The following RAB8A variants were observed in gnomAD, a reference collection of about 807,000 sequenced individuals.
RAB8A encodes ras-related protein Rab-8A.
A neutral mutation model predicts 29.2 loss-of-function variants in RAB8A; 5 were observed. That is an observed-to-expected ratio of 0.17 (90% CI 0.09 to 0.36). The LOEUF (loss-of-function observed/expected upper bound fraction) is 0.36. RAB8A is among the 10% of genes least tolerant of loss of function. The probability of loss-of-function intolerance (pLI) is 1.00; values close to 1 mark genes in which losing one functional copy is unlikely to be tolerated. For synonymous variants in RAB8A, 108 were observed against 99.9 expected (o/e 1.08, Z -0.49); for missense variants, 171 against 272.2 (o/e 0.63, Z 2.62).
intron 6 of RAB8A, 68 bp from the exon 7 acceptor site, chr19:16,129,486 C>T (rs2090916015): frequency 6.6e-7 from 1 of 1,504,256 alleles, no homozygotes; most frequent in Non-Finnish European, 9.2e-7. Context: ...ACCACACCCG[C>T]TGTACACGGG....
Position 16,125,347 on chromosome 19 carries a change from C to T in RAB8A, c.247-123C>T. ...GGCTCCACAGAGGTGGGGAGGGCGG[C>T]AGCTAATGGGCCTGGCTGTGCAGTG... On this transcript the variant is annotated intron_variant, in intron 3 of 7. Coordinates refer to ENST00000300935, the MANE Select transcript of RAB8A (RefSeq NM_005370.5). The surrounding 1 kb of genome is among the most constrained non-coding windows in gnomAD (Gnocchi z 5.0). 1 of 787,678 alleles carries T rather than the reference C, an allele frequency of 1.3e-6. No homozygotes were observed. The highest frequency in any genetic ancestry group is 2.7e-5 in the East Asian group (1 of 37,354). 48.8% of individuals were successfully genotyped at this position (787,678 alleles called of 1,614,324 possible).
Position 16,119,472 on chromosome 19 carries a change from T to C in RAB8A, c.185+1186T>C, listed in dbSNP as rs183090213. The stretch of plus-strand genomic sequence containing the variant: ...CACCCACCTCGGCCTCCCAAAGTGC[T>C]GGGATTATAGGCGTGAGCCACCACG... On this transcript the variant is annotated intron_variant, in intron 2 of 7. Transcript: ENST00000300935. Among the ~76,000 whole-genome samples the C allele has an allele frequency of 3.2e-3, 481 of 152,312 alleles. 2 individuals are homozygous for C. Among genetic ancestry groups the C allele is most frequent in the African/African-American group, 0.01 (428 of 41,576 alleles).
In RAB8A at chr19:16,125,648, C is replaced by T; in HGVS notation, c.324+101C>T. ...GCCAAGGTGCAGAGACACATACAGGCCACTTGCCCACAGCCTCCTAGTCAG... is the reference window on the plus strand; with the variant it reads ...GCCAAGGTGCAGAGACACATACAGGTCACTTGCCCACAGCCTCCTAGTCAG... On this transcript the variant is annotated intron_variant, in intron 4 of 7. Coordinates refer to ENST00000300935, the MANE Select transcript of RAB8A (RefSeq NM_005370.5). This position sits in a 1 kb window ranked among gnomAD's most constrained non-coding sequence, Gnocchi z 5.0. 1 of 1,086,920 alleles carries T rather than the reference C, an allele frequency of 9.2e-7. No homozygotes were observed. Among genetic ancestry groups the T allele is most frequent in the Non-Finnish European group, 1.4e-6 (1 of 723,352 alleles). The allele number at this position is 1,086,920 out of a possible 1,614,324, so 67.3% of individuals were successfully genotyped here. A position where few individuals can be genotyped will look rare whatever the true frequency, so the allele number is the denominator to read the frequency against.
intron 1 of RAB8A, 21 bp from the exon 2 acceptor site, chr19:16,118,205 C>CT: frequency 6.2e-7 from 1 of 1,601,996 alleles, no homozygotes. Context: ...AGTGACGTGC[C>CT]TTTTTTCTTT....
chr19:16,112,110 G>A (rs1221342104), intron 1 of RAB8A, 85 bp downstream of exon 1: 3 of 1,548,786 alleles, frequency 1.9e-6, no homozygotes. Context: ...GATCTACAGG[G>A]CTGGACGGGC....
intron 1 of RAB8A, among the ~76,000 whole-genome samples, chr19:16,117,326 T>C (rs2090850525): frequency 6.6e-6 from 1 of 151,800 alleles, no homozygotes; most frequent in East Asian, 1.9e-4. Context: ...CCATCTCTAC[T>C]AAAAACTCAA....
intron 1 of RAB8A, among the ~76,000 whole-genome samples, chr19:16,117,922 A>C (rs1468150007): frequency 2.0e-5 from 3 of 152,072 alleles, no homozygotes; most frequent in Non-Finnish European, 4.4e-5. Context: ...GGCTCTGTTG[A>C]GACCCACTCC....
At chr19:16,129,749 T>C in intron 7 of RAB8A, 145 bp downstream of exon 7, 2 of 829,738 alleles carry the variant, frequency 2.4e-6, no homozygotes, top group South Asian at 3.0e-5. Flanking sequence ...GGGGGAAGAG[T>C]TTGCAGGTGT....
In RAB8A at chr19:16,128,106, C is replaced by T. The variant is rs377652651; in HGVS notation, c.480+15C>T. ...ATGTGGAAAATGTGAGTCCCGGGCCCTGCTGGGAGACATGGGGCCTGCAGG... is the reference window on the plus strand; with the variant it reads ...ATGTGGAAAATGTGAGTCCCGGGCCTTGCTGGGAGACATGGGGCCTGCAGG... On this transcript the variant is annotated intron_variant, in intron 6 of 7. Coordinates refer to ENST00000300935, the MANE Select transcript of RAB8A (RefSeq NM_005370.5). 12 of 1,612,848 alleles carry T rather than the reference C, an allele frequency of 7.4e-6. No homozygotes were observed. The highest frequency in any genetic ancestry group is 1.0e-5 in the Non-Finnish European group (12 of 1,178,880).
At chr19:16,130,919 G>T (rs1284900970) in intron 7 of RAB8A, among the ~76,000 whole-genome samples, 1 of 152,052 alleles carries the variant, frequency 6.6e-6, no homozygotes, top group Non-Finnish European at 1.5e-5. Context: ...TGCCTCCCAG[G>T]TTCAAGCGGT....
intron 1 of RAB8A, among the ~76,000 whole-genome samples, chr19:16,113,760 T>C (rs2090834234): frequency 6.6e-6 from 1 of 152,196 alleles, no homozygotes; most frequent in Non-Finnish European, 1.5e-5. Flanking sequence ...TGACTGGAAA[T>C]CATTACGTCT....
chr19:16,116,793 C>T (rs1243868544), intron 1 of RAB8A, among the ~76,000 whole-genome samples: 1 of 151,292 alleles, frequency 6.6e-6, no homozygotes, highest in East Asian at 1.9e-4. Flanking sequence ...CAAGATTGCA[C>T]CACTGCACTC....
rs753016052 is a variant in RAB8A, at chr19:16,132,272, A to C, written c.592A>C (p.Arg198=). The change falls in exon 8 of 8, where the codon AGG becomes CGG. Residue 198 remains arginine, a synonymous_variant. Transcript: ENST00000300935. The surrounding 1 kb of genome is among the most constrained non-coding windows in gnomAD (Gnocchi z 5.6). Reference sequence around the variant, plus strand: ...CAAAATCACACCGGACCAGCAGAAGAGGAGCAGCTTTTTCCGATGTGTTCT... The same window carrying C: ...CAAAATCACACCGGACCAGCAGAAGCGGAGCAGCTTTTTCCGATGTGTTCT... The part of the protein sequence containing the change: ...GVKITPDQQK[R]SSFFRCVLL The C allele has an allele frequency of 2.4e-5, 38 of 1,614,082 alleles. No homozygotes were observed. Among genetic ancestry groups the C allele is most frequent in the Non-Finnish European group, 3.2e-5 (38 of 1,180,030 alleles).
At chr19:16,119,802 G>GT (rs1190516012) in intron 2 of RAB8A, among the ~76,000 whole-genome samples, 72 of 144,738 alleles carry the variant, frequency 5.0e-4, no homozygotes, top group African/African-American at 1.8e-3. Flanking sequence ...AAAAATGACT[G>GT]GTTTTTTTTT....
Position 16,132,148 on chromosome 19 carries a change from G to A in RAB8A, c.532-64G>A. 1 of 1,279,906 alleles carries A rather than the reference G, an allele frequency of 7.8e-7. No individual in the cohort carries two copies. The highest frequency in any genetic ancestry group is 1.1e-6 in the Non-Finnish European group (1 of 878,870). 79.3% of individuals were successfully genotyped at this position (1,279,906 alleles called of 1,614,324 possible). A position where few individuals can be genotyped will look rare whatever the true frequency, so the allele number is the denominator to read the frequency against. On this transcript the variant is annotated intron_variant, in intron 7 of 7. Transcript: ENST00000300935. This position sits in a 1 kb window ranked among gnomAD's most constrained non-coding sequence, Gnocchi z 5.6. ...TAGGTGGATGGTTAGGTGGATGGCT[G>A]GTTGATTGTGAGACGTAGTGCTGAT...
At position 16,118,759 on chromosome 19, in the gene RAB8A, C is replaced by T. The variant is rs113036838; in HGVS notation, c.185+473C>T. Among the ~76,000 whole-genome samples the T allele has an allele frequency of 3.6e-3, 552 of 152,284 alleles. 3 individuals carry two copies. Among genetic ancestry groups the T allele is most frequent in the African/African-American group, 0.012 (515 of 41,564 alleles). ...GGGCAGGCCTGGCCTCCCTTCCTAG[C>T]GTACAGACCGAAACCCCAAACCGAA... On this transcript the variant is annotated intron_variant, in intron 2 of 7. Coordinates refer to ENST00000300935, the MANE Select transcript of RAB8A (RefSeq NM_005370.5).
Position 16,125,301 on chromosome 19 carries a change from G to A in RAB8A, c.247-169G>A. The stretch of plus-strand genomic sequence containing the variant: ...CAGAAAGAAGGGCCACAGGGATGGA[G>A]AGGAGGGGGCTGGCTTCCGGGGCTC... On this transcript the variant is annotated intron_variant, in intron 3 of 7. Transcript: ENST00000300935. This position sits in a 1 kb window ranked among gnomAD's most constrained non-coding sequence, Gnocchi z 5.0. The A allele has an allele frequency of 1.6e-6, 1 of 634,658 alleles. No homozygotes were observed. The allele number at this position is 634,658 out of a possible 1,614,324, so 39.3% of individuals were successfully genotyped here. A position where few individuals can be genotyped will look rare whatever the true frequency, so the allele number is the denominator to read the frequency against.
In RAB8A at chr19:16,125,318, C is replaced by T; in HGVS notation, c.247-152C>T. 1 of 663,758 alleles carries T rather than the reference C, an allele frequency of 1.5e-6. No individual in the cohort carries two copies. The highest frequency in any genetic ancestry group is 1.8e-5 in the African/African-American group (1 of 55,836). The allele number at this position is 663,758 out of a possible 1,614,324, so 41.1% of individuals were successfully genotyped here. ...GGGATGGAGAGGAGGGGGCTGGCTT[C>T]CGGGGCTCCACAGAGGTGGGGAGGG... On this transcript the variant is annotated intron_variant, in intron 3 of 7. Coordinates refer to ENST00000300935, the MANE Select transcript of RAB8A (RefSeq NM_005370.5). The surrounding 1 kb of genome is among the most constrained non-coding windows in gnomAD (Gnocchi z 5.0).
chr19:16,128,163 C>T lies in RAB8A; in HGVS notation c.480+72C>T, dbSNP rs990397678. 2.4e-5 allele frequency: 36 copies of T among 1,522,726 alleles called. 1 individual carries two copies. The highest frequency in any genetic ancestry group is 1.7e-4 in the Middle Eastern group (1 of 5,920). 94.3% of individuals were successfully genotyped at this position (1,522,726 alleles called of 1,614,324 possible). ...CCCTTCAGGCTAAAGGGGGAGCTGG[C>T]GTCCTCCGAGGAGGTCCTGCCAGAC... On this transcript the variant is annotated intron_variant, in intron 6 of 7. Coordinates refer to ENST00000300935, the MANE Select transcript of RAB8A (RefSeq NM_005370.5).
Sources: allele counts gnomAD v4.1 joint callset (sites outside exome capture counted in the v4.1 genomes callset), GRCh38; gene constraint gnomAD v4.1.1; non-coding constraint Gnocchi (gnomAD v3.1); transcripts MANE v1.5; gene names NCBI Gene and HGNC (gene_info 2026-07-23, HGNC 2026-07-21).